DEPDC5: variants seen among roughly 807,000 people sequenced by gnomAD.
DEPDC5 encodes the protein DEP domain containing 5, GATOR1 subcomplex subunit, also known as GATOR1 complex protein DEPDC5.
In DEPDC5, 73 loss-of-function variants were observed where a neutral mutation model predicts 217.3. The observed-to-expected ratio is 0.34, with a 90% confidence interval of 0.28 to 0.41. The LOEUF is 0.41. Ranked by LOEUF, DEPDC5 falls within the 10% of genes least tolerant of loss-of-function variation. DEPDC5 has a pLI of 1.00. For synonymous variants in DEPDC5, 733 were observed against 756.7 expected (o/e 0.97, Z 0.51); for missense variants, 1,675 against 2,070.1 (o/e 0.81, Z 3.70).
In DEPDC5 at chr22:31,810,511, T is replaced by C. The variant is rs752612331; in HGVS notation, c.1325-10T>C. 12 of 1,613,934 alleles carry C rather than the reference T, an allele frequency of 7.4e-6. No homozygotes were observed. The highest frequency in any genetic ancestry group is 1.0e-5 in the Non-Finnish European group (12 of 1,180,012). On this transcript the variant is annotated splice_polypyrimidine_tract_variant and intron_variant, in intron 19 of 42. Coordinates refer to ENST00000651528, the MANE Select transcript of DEPDC5 (RefSeq NM_001242896.3). ...ATTTGATGACAATTTATATTATTTG[T>C]GTATTTCAGCTCTCGGGAGTCCAAA...
intron 21 of DEPDC5, among the ~76,000 whole-genome samples, chr22:31,818,373 AG>A: frequency 6.6e-6 from 1 of 152,186 alleles, no homozygotes; most frequent in South Asian, 2.1e-4. Flanking sequence ...TCAGGAACTC[AG>A]GTTCCTTCCA....
At chr22:31,768,969 T>A (rs528647338) in intron 7 of DEPDC5, 106 bp downstream of exon 7, 1 of 1,453,298 alleles carries the variant, frequency 6.9e-7, no homozygotes, top group Admixed American at 1.8e-5. Context: ...GTATAAAATG[T>A]TAGATTGTTG....
chr22:31,798,529 A>G, intron 13 of DEPDC5, 53 bp from the exon 14 acceptor site: 1 of 1,535,224 alleles, frequency 6.5e-7, no homozygotes, highest in Admixed American at 1.8e-5. Flanking sequence ...AATTAAAAAA[A>G]AAAGTTCATG....
At chr22:31,832,042 G>T (rs2090637365) in intron 24 of DEPDC5, among the ~76,000 whole-genome samples, 1 of 152,160 alleles carries the variant, frequency 6.6e-6, no homozygotes, top group Admixed American at 6.5e-5. Context: ...TTTTGAGTCT[G>T]GCTTATTTCA....
chr22:31,761,917 G>A (rs1383237600), intron 4 of DEPDC5, among the ~76,000 whole-genome samples: 7 of 148,534 alleles, frequency 4.7e-5, no homozygotes, highest in Non-Finnish European at 8.9e-5. Flanking sequence ...GCAGTGAGCC[G>A]AGGTCACGCC....
Position 31,787,876 on chromosome 22 carries a change from T to C in DEPDC5, c.624+3001T>C, listed in dbSNP as rs138539331. 2.4e-3 allele frequency among the ~76,000 whole-genome samples: 370 copies of C among 151,102 alleles called. 1 individual carries two copies. The highest frequency in any genetic ancestry group is 2.6e-3 in the Non-Finnish European group (176 of 67,846). ...ACCCACAGAATGGGAGAAAATATTA[T>C]TTGCAAATTATTTTCTGATAAAAGT... is the stretch of plus-strand genomic sequence containing the variant. On this transcript the variant is annotated intron_variant, in intron 10 of 42. Coordinates refer to ENST00000651528, the MANE Select transcript of DEPDC5 (RefSeq NM_001242896.3).
intron 10 of DEPDC5, among the ~76,000 whole-genome samples, chr22:31,788,762 G>A (rs1006001774): frequency 6.6e-6 from 1 of 151,600 alleles, no homozygotes; most frequent in African/African-American, 2.4e-5. Context: ...TTTTAGTAGA[G>A]ACGGGGTTTC....
chr22:31,891,317 C>A, intron 38 of DEPDC5: 1 of 440,710 alleles, frequency 2.3e-6, no homozygotes, highest in Non-Finnish European at 4.3e-6. Context: ...TTTACATTAT[C>A]TTTATCAACT....
chr22:31,857,391 C>A, intron 31 of DEPDC5, 54 bp from the exon 32 acceptor site: 2 of 1,469,536 alleles, frequency 1.4e-6, no homozygotes, highest in South Asian at 1.2e-5. Flanking sequence ...CGACATGGAT[C>A]CTTCACCAGG....
chr22:31,842,966 C>T (rs952411805), intron 27 of DEPDC5, 129 bp from the exon 28 acceptor site: 1 of 702,866 alleles, frequency 1.4e-6, no homozygotes, highest in Non-Finnish European at 2.3e-6. Context: ...CCAAGAATAA[C>T]TTTCTTCCAT....
chr22:31,906,364 C>T lies in DEPDC5; in HGVS notation c.4679C>T (p.Ser1560Phe). 6.2e-7 allele frequency: 1 copy of T among 1,614,072 alleles called. No individual in the cohort carries two copies. Among genetic ancestry groups the T allele is most frequent in the Non-Finnish European group, 8.5e-7 (1 of 1,179,966 alleles). Residue 1560 changes from serine to phenylalanine, a missense_variant, in exon 43 of 43, where the codon TCC becomes TTC. Physicochemically the swap from Ser to Phe is radical, Grantham distance 155. Transcript: ENST00000651528. This position sits in a 1 kb window ranked among gnomAD's most constrained non-coding sequence, Gnocchi z 5.1. ...ACCATGCTCACCAAAACATGGCGCT[C>T]CAGCGCCACAGGGGATGAAAAGTTT... ...YNTMLTKTWR[S>F]SATGDEKFAD...
chr22:31,832,093 G>A (rs189527986), intron 24 of DEPDC5, among the ~76,000 whole-genome samples: 276 of 152,318 alleles, frequency 1.8e-3, no homozygotes, highest in Non-Finnish European at 2.8e-3. Context: ...ACGTTGCCAC[G>A]TGTCAATAGT....
At chr22:31,900,967 G>A (rs2093637534) in intron 40 of DEPDC5, among the ~76,000 whole-genome samples, 1 of 152,094 alleles carries the variant, frequency 6.6e-6, no homozygotes, top group South Asian at 2.1e-4. Flanking sequence ...TTGGGGCCGG[G>A]CACAGTGGCT....
chr22:31,804,852 G>C lies in DEPDC5; in HGVS notation c.1154G>C (p.Arg385Pro). ...TTTTTCTCCTTGCAGCTCCATAATC[G>C]GAGTGCTCCCCGTGATTCTCGTCTG... ...HAVPLFKLHN[R>P]SAPRDSRLGD... Residue 385 changes from arginine (R) to proline (P), a missense_variant, in exon 17 of 43, where the codon CGG (arginine) becomes CCG (proline). By Grantham distance (103) the Arg-to-Pro change is moderately radical (BLOSUM62 -2). Coordinates refer to ENST00000651528, the MANE Select transcript of DEPDC5 (RefSeq NM_001242896.3). The C allele has an allele frequency of 6.2e-7, 1 of 1,613,824 alleles. No homozygotes were observed. The highest frequency in any genetic ancestry group is 8.5e-7 in the Non-Finnish European group (1 of 1,179,816).
chr22:31,856,323 C>T (rs1430861746), intron 31 of DEPDC5, among the ~76,000 whole-genome samples: 2 of 152,146 alleles, frequency 1.3e-5, no homozygotes, highest in African/African-American at 4.8e-5. Context: ...GACAGAGCCT[C>T]CTAGACAGCC....
At chr22:31,756,342 A>ACTCT (rs2081941673) in intron 2 of DEPDC5, among the ~76,000 whole-genome samples, 1 of 152,190 alleles carries the variant, frequency 6.6e-6, no homozygotes, top group Non-Finnish European at 1.5e-5. Context: ...CATTTAGCAG[A>ACTCT]GTGTTAGACT....
Position 31,786,901 on chromosome 22 carries a change from C to T in DEPDC5, c.624+2026C>T, listed in dbSNP as rs183455081. Among the ~76,000 whole-genome samples the T allele has an allele frequency of 2.3e-3, 356 of 152,152 alleles. 4 individuals are homozygous for T. Among genetic ancestry groups the T allele is most frequent in the South Asian group, 9.1e-3 (44 of 4,814 alleles). On this transcript the variant is annotated intron_variant, in intron 10 of 42. Coordinates refer to ENST00000651528, the MANE Select transcript of DEPDC5 (RefSeq NM_001242896.3). ...CTGTTCAGTTCTCCTGCCTCACCCT[C>T]CTGAGTAGCTGGGATTACAGGTGCC...
intron 4 of DEPDC5, among the ~76,000 whole-genome samples, chr22:31,764,438 C>G (rs1475118330): frequency 6.6e-6 from 1 of 151,722 alleles, no homozygotes; most frequent in Non-Finnish European, 1.5e-5. Flanking sequence ...TTTATTGAGA[C>G]AGAGTCTCAT....
intron 41 of DEPDC5, among the ~76,000 whole-genome samples, chr22:31,905,395 T>G (rs527990178): frequency 1.3e-5 from 2 of 151,588 alleles, no homozygotes; most frequent in South Asian, 4.2e-4. Flanking sequence ...GGAGAATCAC[T>G]TGAACCCAGG....
Sources: gnomAD v4.1 joint callset for allele counts (sites outside exome capture counted in the v4.1 genomes callset) on GRCh38, gnomAD v4.1.1 for gene constraint, Gnocchi (gnomAD v3.1) non-coding constraint, MANE v1.5 for transcripts, NCBI Gene and HGNC (gene_info 2026-07-23, HGNC 2026-07-21) for gene names.